The following PLCB4 variants were observed in gnomAD, a reference collection of about 807,000 sequenced individuals.
PLCB4 encodes the protein 1-phosphatidylinositol 4,5-bisphosphate phosphodiesterase beta-4.
In PLCB4, 77 loss-of-function variants were observed where a neutral mutation model predicts 178.8. The ratio of observed to expected loss-of-function variants is 0.43; its 90% CI spans 0.36 to 0.52. The LOEUF is 0.52. PLCB4 is among the 20% of genes least tolerant of loss of function. The pLI, the probability that PLCB4 is intolerant of heterozygous loss-of-function variation, is 0.00. For missense variants in PLCB4, 1,024 were observed against 1,453.4 expected (o/e 0.70, Z 4.80); for synonymous variants, 496 against 490.8 (o/e 1.01, Z -0.14).
At chr20:9,402,794 G>T (rs1021822899) in intron 20 of PLCB4, among the ~76,000 whole-genome samples, 6 of 152,204 alleles carry the variant, frequency 3.9e-5, no homozygotes, top group African/African-American at 1.4e-4. Flanking sequence ...CTTGTTTGAG[G>T]AACTGGGTAG....
intron 3 of PLCB4, among the ~76,000 whole-genome samples, chr20:9,232,596 T>C (rs1201478165): frequency 6.6e-6 from 1 of 152,140 alleles, no homozygotes; most frequent in African/African-American, 2.4e-5. Context: ...TATGGAAACT[T>C]CACTTATTTA....
In PLCB4 at chr20:9,470,893, T is replaced by C. The variant is rs1249226966; in HGVS notation, c.3351-1897T>C. On this transcript the variant is annotated intron_variant, in intron 36 of 39. Coordinates refer to ENST00000378473, the MANE Select transcript of PLCB4 (RefSeq NM_001377142.1). Reference sequence around the variant, plus strand: ...GGTTCCAAAATATCTACAAATTGGCTGTTTTTTAAAAAATAATTTTTCTAT... The same window carrying C: ...GGTTCCAAAATATCTACAAATTGGCCGTTTTTTAAAAAATAATTTTTCTAT... Among the ~76,000 whole-genome samples, 5 of 152,354 alleles carry C rather than the reference T, an allele frequency of 3.3e-5. No homozygotes were observed. In the East Asian group the frequency reaches 9.6e-4, roughly 29 times the overall value.
chr20:9,372,902 A>G, intron 11 of PLCB4, 145 bp from the exon 12 acceptor site: 1 of 446,248 alleles, frequency 2.2e-6, no homozygotes, highest in Non-Finnish European at 4.0e-6. Flanking sequence ...CTTTATGAAC[A>G]GTCTCTGGCC....
intron 2 of PLCB4, among the ~76,000 whole-genome samples, chr20:9,165,426 T>C (rs2092953280): frequency 6.6e-6 from 1 of 152,178 alleles, no homozygotes; most frequent in Non-Finnish European, 1.5e-5. Context: ...GTTGAAAACT[T>C]GTCACAATAT....
At chr20:9,369,010 G>A (rs549210717) in intron 9 of PLCB4, among the ~76,000 whole-genome samples, 1 of 152,258 alleles carries the variant, frequency 6.6e-6, no homozygotes, top group African/African-American at 2.4e-5. Flanking sequence ...ATGAAACACA[G>A]CCACGATATT....
intron 7 of PLCB4, among the ~76,000 whole-genome samples, chr20:9,340,899 A>G (rs1410154500): frequency 6.6e-6 from 1 of 152,092 alleles, no homozygotes; most frequent in African/African-American, 2.4e-5. Flanking sequence ...AGCCCTTAAT[A>G]TGTGTTAGCT....
chr20:9,088,958 C>T (rs1375590624), intron 1 of PLCB4, among the ~76,000 whole-genome samples: 2 of 151,568 alleles, frequency 1.3e-5, no homozygotes, highest in African/African-American at 2.4e-5. Context: ...AGAGAAATGA[C>T]ATAATGATGT....
At chr20:9,180,828 G>C (rs1376244737) in intron 2 of PLCB4, among the ~76,000 whole-genome samples, 4 of 152,194 alleles carry the variant, frequency 2.6e-5, no homozygotes, top group Non-Finnish European at 5.9e-5. Context: ...ATGTGATTCT[G>C]TCTGGATGCT....
intron 2 of PLCB4, among the ~76,000 whole-genome samples, chr20:9,133,996 G>A (rs2092331756): frequency 6.6e-6 from 1 of 152,198 alleles, no homozygotes; most frequent in Non-Finnish European, 1.5e-5. Flanking sequence ...CCAGGGCAGG[G>A]GAGAATTTTT....
At chr20:9,432,554 A>T (rs6118609) in intron 28 of PLCB4, among the ~76,000 whole-genome samples, 16,242 of 152,288 alleles carry the variant, frequency 0.11, 942 homozygotes, top group East Asian at 0.16. Flanking sequence ...TCCTCCAAAG[A>T]AGGGCAGAAA....
chr20:9,447,673 A>G (rs1418102018), intron 32 of PLCB4, among the ~76,000 whole-genome samples: 1 of 152,272 alleles, frequency 6.6e-6, no homozygotes, highest in Non-Finnish European at 1.5e-5. Context: ...CCTACCGGCT[A>G]TTCAACAGAT....
chr20:9,392,675 A>G (rs1289117079), intron 17 of PLCB4, among the ~76,000 whole-genome samples: 1 of 152,160 alleles, frequency 6.6e-6, no homozygotes. Flanking sequence ...CACAAATGTG[A>G]ACACATAACT....
chr20:9,411,530 C>G (rs1230776682), intron 25 of PLCB4, among the ~76,000 whole-genome samples: 4 of 152,080 alleles, frequency 2.6e-5, no homozygotes, highest in Non-Finnish European at 1.5e-5. Context: ...GGGAATAAAC[C>G]TTTGTCCTCT....
intron 35 of PLCB4, among the ~76,000 whole-genome samples, chr20:9,467,484 A>G (rs1247031821): frequency 6.6e-6 from 1 of 152,222 alleles, no homozygotes; most frequent in East Asian, 1.9e-4. Context: ...TCAAAGCAAC[A>G]GCAGTATTTT....
Position 9,444,228 on chromosome 20 carries a change from G to A in PLCB4, c.2865G>A (p.Lys955=). The change falls in exon 32 of 40, where the codon AAG becomes AAA. Residue 955 remains lysine, a synonymous_variant. Transcript: ENST00000378473. ...AGCAGAAGGAGCTAAATTCTTTAAAGAAGAAACATGCAAAGGTACAGTGCT... is the reference window on the plus strand; with the variant it reads ...AGCAGAAGGAGCTAAATTCTTTAAAAAAGAAACATGCAAAGGTACAGTGCT... ...KKQQKELNSL[K]KKHAKEHSTM... is the part of the protein sequence containing the mutation. 6.3e-7 allele frequency: 1 copy of A among 1,595,148 alleles called. No homozygotes were observed. The highest frequency in any genetic ancestry group is 8.6e-7 in the Non-Finnish European group (1 of 1,163,486).
intron 25 of PLCB4, among the ~76,000 whole-genome samples, chr20:9,417,944 T>C (rs576180105): frequency 1.3e-5 from 2 of 152,332 alleles, no homozygotes; most frequent in South Asian, 4.1e-4. Context: ...TTCATTTCTC[T>C]GATGACTAAT....
At chr20:9,398,661 C>A (rs558858192) in intron 19 of PLCB4, among the ~76,000 whole-genome samples, 2 of 150,696 alleles carry the variant, frequency 1.3e-5, no homozygotes, top group East Asian at 3.9e-4. Flanking sequence ...ATGGCCTTAT[C>A]TAACCTGTAT....
At chr20:9,076,138 T>C (rs2089852766) in intron 1 of PLCB4, among the ~76,000 whole-genome samples, 1 of 152,116 alleles carries the variant, frequency 6.6e-6, no homozygotes, top group Non-Finnish European at 1.5e-5. Context: ...GGGAAGGGCA[T>C]GTTTTTTCCT....
At chr20:9,451,666 T>C (rs182724409) in intron 32 of PLCB4, among the ~76,000 whole-genome samples, 7 of 152,360 alleles carry the variant, frequency 4.6e-5, no homozygotes, top group South Asian at 2.1e-4. Flanking sequence ...ATTAGTCTGA[T>C]TGATATCCCT....
Sources: gnomAD v4.1 joint callset for allele counts (sites outside exome capture counted in the v4.1 genomes callset) on GRCh38, gnomAD v4.1.1 for gene constraint, MANE v1.5 for transcripts, NCBI Gene and HGNC (gene_info 2026-07-23, HGNC 2026-07-21) for gene names.